The following WDPCP variants were observed in gnomAD, a reference collection of about 807,000 sequenced individuals.
WDPCP encodes WD repeat containing planar cell polarity effector.
WDPCP carries 71 observed loss-of-function variants against 93.1 expected under a neutral mutation model. The observed-to-expected ratio is 0.76, with a 90% confidence interval of 0.63 to 0.93. The LOEUF is 0.93. Among genes scored for constraint, WDPCP ranks in the 40% least tolerant of loss-of-function variants. The pLI is 0.00. For synonymous variants in WDPCP, 315 were observed against 315.0 expected, an observed-to-expected ratio of 1.00 and a Z score of 0.00; for missense variants, 844 against 887.4, an observed-to-expected ratio of 0.95 and a Z score of 0.62.
intron 17 of WDPCP, among the ~76,000 whole-genome samples, chr2:63,125,906 A>G (rs12618946): frequency 0.65 from 97,875 of 149,564 alleles, 32,071 homozygotes; most frequent in East Asian, 0.83. Flanking sequence ...CCACCTCGCC[A>G]GGCTGCTTTT....
At chr2:63,772,951 A>C (rs1246805272) in intron 2 of WDPCP, among the ~76,000 whole-genome samples, 4 of 152,062 alleles carry the variant, frequency 2.6e-5, no homozygotes, top group African/African-American at 9.7e-5. Flanking sequence ...CCACTACAAT[A>C]AGTCAAGAAA....
chr2:63,837,726 G>C, the WDPCP span, among the ~76,000 whole-genome samples: 1 of 152,150 alleles, frequency 6.6e-6, no homozygotes, highest in African/African-American at 2.4e-5. Context: ...TTTGGCCCAG[G>C]TTCATCTCCT....
At chr2:63,689,044 A>G (rs1160799717) in intron 2 of WDPCP, among the ~76,000 whole-genome samples, 1 of 152,162 alleles carries the variant, frequency 6.6e-6, no homozygotes, top group Non-Finnish European at 1.5e-5. Context: ...CCCAGCCTCC[A>G]GAACTGTAAG....
chr2:63,124,793 A>G (rs1453543673), intron 17 of WDPCP, among the ~76,000 whole-genome samples: 1 of 152,064 alleles, frequency 6.6e-6, no homozygotes, highest in African/African-American at 2.4e-5. Flanking sequence ...TGAGGCTCAT[A>G]TGGGTTAAGT....
chr2:63,187,321 AAT>A (rs1378550288), intron 14 of WDPCP, among the ~76,000 whole-genome samples: 1 of 152,086 alleles, frequency 6.6e-6, no homozygotes, highest in Non-Finnish European at 1.5e-5. Flanking sequence ...CCATTTAGCC[AAT>A]ATGTCTTTTG....
At chr2:63,210,072 A>C (rs1159987304) in intron 14 of WDPCP, among the ~76,000 whole-genome samples, 1 of 152,072 alleles carries the variant, frequency 6.6e-6, no homozygotes, top group Non-Finnish European at 1.5e-5. Context: ...ATTAGAAAGA[A>C]GAGTACATTT....
chr2:63,571,685 T>A (rs1707516268), intron 1 of WDPCP: 1 of 461,306 alleles, frequency 2.2e-6, no homozygotes, highest in Non-Finnish European at 4.5e-6. Context: ...GGCTCGTATT[T>A]TAAGATGCCA....
At chr2:63,782,211 C>T (rs1446960451) in intron 2 of WDPCP, among the ~76,000 whole-genome samples, 1 of 152,124 alleles carries the variant, frequency 6.6e-6, no homozygotes, top group Non-Finnish European at 1.5e-5. Flanking sequence ...TATAAAAATA[C>T]TAGAATAAAA....
At chr2:63,505,329 A>T (rs532349241) in intron 1 of WDPCP, among the ~76,000 whole-genome samples, 5 of 152,170 alleles carry the variant, frequency 3.3e-5, no homozygotes, top group East Asian at 1.9e-4. Flanking sequence ...GCCTTTTCTT[A>T]TTGAAATGAA....
chr2:63,328,982 C>A (rs1687773392), intron 12 of WDPCP, among the ~76,000 whole-genome samples: 2 of 152,162 alleles, frequency 1.3e-5, no homozygotes, highest in South Asian at 2.1e-4. Context: ...TGGCCTTGGC[C>A]TCCCAAAGTG....
intron 14 of WDPCP, among the ~76,000 whole-genome samples, chr2:63,252,576 T>C (rs1680821895): frequency 1.3e-5 from 2 of 152,158 alleles, no homozygotes; most frequent in East Asian, 1.9e-4. Context: ...TTCTGTAAAG[T>C]TTTGGATACA....
At chr2:63,466,528 A>AAATT (rs1699355821) in intron 6 of WDPCP, among the ~76,000 whole-genome samples, 1 of 152,218 alleles carries the variant, frequency 6.6e-6, no homozygotes, top group Admixed American at 6.5e-5. Flanking sequence ...ATACAAAGTT[A>AAATT]TAAATTTAAA....
chr2:63,646,301 C>T (rs1403069320), intron 3 of WDPCP, among the ~76,000 whole-genome samples: 1 of 152,146 alleles, frequency 6.6e-6, no homozygotes, highest in Non-Finnish European at 1.5e-5. Flanking sequence ...GCCTTAACTT[C>T]ACCCTTCCTC....
chr2:63,812,441 C>T (rs1205865833), intron 2 of WDPCP, among the ~76,000 whole-genome samples: 1 of 152,150 alleles, frequency 6.6e-6, no homozygotes, highest in Non-Finnish European at 1.5e-5. Context: ...AACGGCATTG[C>T]TGGGTCATAT....
intron 1 of WDPCP, among the ~76,000 whole-genome samples, chr2:63,496,374 C>G (rs1701223141): frequency 6.6e-6 from 1 of 152,194 alleles, no homozygotes; most frequent in Non-Finnish European, 1.5e-5. Flanking sequence ...CTGACTATTT[C>G]TACGAGGCAG....
chr2:63,510,720 T>G (rs1280695212), intron 1 of WDPCP, among the ~76,000 whole-genome samples: 1 of 152,196 alleles, frequency 6.6e-6, no homozygotes. Flanking sequence ...ACGCCTGTAA[T>G]CCCAACAGGT....
chr2:63,135,878 C>T (rs751076291), intron 17 of WDPCP, among the ~76,000 whole-genome samples: 3 of 151,982 alleles, frequency 2.0e-5, no homozygotes, highest in African/African-American at 4.8e-5. Flanking sequence ...ACTACAGGCA[C>T]GTGTACCGTG....
At chr2:63,201,889 T>C (rs1675940325) in intron 14 of WDPCP, among the ~76,000 whole-genome samples, 1 of 152,104 alleles carries the variant, frequency 6.6e-6, no homozygotes, top group Non-Finnish European at 1.5e-5. Flanking sequence ...TATTTGTGCC[T>C]TTTCCCTTCC....
intron 13 of WDPCP, among the ~76,000 whole-genome samples, chr2:63,270,630 C>G (rs988161181): frequency 1.1e-4 from 17 of 152,078 alleles, no homozygotes; most frequent in African/African-American, 4.1e-4. Flanking sequence ...CAGGGAACCT[C>G]TGAGACACAG....
Sources: allele counts gnomAD v4.1 joint callset (sites outside exome capture counted in the v4.1 genomes callset), GRCh38; gene constraint gnomAD v4.1.1; transcripts MANE v1.5; gene names NCBI Gene and HGNC (gene_info 2026-07-23, HGNC 2026-07-21).